Variants in SERGEF observed in about 807,000 individuals in gnomAD.
SERGEF encodes secretion-regulating guanine nucleotide exchange factor.
SERGEF carries 51 observed loss-of-function variants against 50.0 expected under a neutral mutation model. The ratio of observed to expected loss-of-function variants is 1.02; its 90% confidence interval spans 0.81 to 1.29. The LOEUF is 1.29. Ranked by LOEUF, SERGEF falls within the 50% of genes most tolerant of loss-of-function variation. The pLI, the probability that SERGEF is intolerant of heterozygous loss-of-function variation, is 0.00. For synonymous variants in SERGEF, 205 were observed against 212.4 expected, an observed-to-expected ratio of 0.97 and a Z score of 0.30; for missense variants, 521 against 557.0, an observed-to-expected ratio of 0.94 and a Z score of 0.65.
chr11:17,842,989 G>C (rs1850533469), intron 10 of SERGEF, among the ~76,000 whole-genome samples: 1 of 152,330 alleles, frequency 6.6e-6, no homozygotes, highest in Non-Finnish European at 1.5e-5. Flanking sequence ...GTTTCTCACA[G>C]CAAGCCCAGA....
chr11:17,794,776 T>C (rs572010316), intron 10 of SERGEF, among the ~76,000 whole-genome samples: 20 of 152,350 alleles, frequency 1.3e-4, no homozygotes, highest in Non-Finnish European at 2.4e-4. Context: ...GGCCCTCTTC[T>C]ATTTAATATT....
chr11:17,959,635 T>C lies in SERGEF; in HGVS notation c.846A>G (p.Glu282=), dbSNP rs1348939055. 1 of 1,609,270 alleles carries C rather than the reference T, an allele frequency of 6.2e-7. No individual in the cohort carries two copies. Among genetic ancestry groups the C allele is most frequent in the African/African-American group, 1.3e-5 (1 of 74,584 alleles). Residue 282 remains glutamate (E), a splice_region_variant and synonymous_variant, in exon 9 of 11, where the codon GAA becomes GAG. Transcript: ENST00000265965. Reference sequence around the variant, plus strand: ...GGCCCCAGGTAAACATCTTGCCAGTTTCTAAAAACAAATATTATTTGAATT... The same window carrying C: ...GGCCCCAGGTAAACATCTTGCCAGTCTCTAAAAACAAATATTATTTGAATT... ...SGWTHLVAQT[E]TGKMFTWGRA...
chr11:17,817,210 T>C (rs1432965623), intron 10 of SERGEF, among the ~76,000 whole-genome samples: 2 of 136,616 alleles, frequency 1.5e-5, no homozygotes, highest in East Asian at 5.4e-4. Context: ...GCACTTTCCA[T>C]GTATTTTTTT....
chr11:18,000,835 T>A, intron 4 of SERGEF: 2 of 592,892 alleles, frequency 3.4e-6, no homozygotes, highest in Non-Finnish European at 6.3e-6. Flanking sequence ...TAGTAAATGT[T>A]TTCTGTAAAG....
At chr11:17,846,822 G>C (rs942804245) in intron 10 of SERGEF, 6 of 452,802 alleles carry the variant, frequency 1.3e-5, no homozygotes, top group Middle Eastern at 6.5e-4. Context: ...CATGTAGCAG[G>C]TATATAATAG....
intron 9 of SERGEF, among the ~76,000 whole-genome samples, chr11:17,933,644 T>C (rs537209449): frequency 6.6e-6 from 1 of 152,236 alleles, no homozygotes; most frequent in East Asian, 1.9e-4. Flanking sequence ...AGTATCTATA[T>C]TCCCTTAAGT....
chr11:17,953,624 C>T (rs1358646774), intron 9 of SERGEF, among the ~76,000 whole-genome samples: 1 of 152,182 alleles, frequency 6.6e-6, no homozygotes, highest in Non-Finnish European at 1.5e-5. Flanking sequence ...CCTCCAAAAC[C>T]ATTACTTTCA....
rs775830910 is a variant in SERGEF, at chr11:18,004,445, A to G, written c.443T>C (p.Ile148Thr). ...GPRRCVVPQA[I>T]ELHKEKVVCI... ...CTAAATATTAACTGTCCTCACCTCAATGGCCTGGGGAACCACACATCTTCG... is the reference window on the plus strand; with the variant it reads ...CTAAATATTAACTGTCCTCACCTCAGTGGCCTGGGGAACCACACATCTTCG... The change falls in exon 4 of 11, where the codon ATT (isoleucine) becomes ACT (threonine). Residue 148 changes from isoleucine (I) to threonine (T), a missense_variant. Ile to Thr is a moderately conservative substitution (Grantham distance 89). Transcript: ENST00000265965. 2 of 1,612,522 alleles carry G rather than the reference A, an allele frequency of 1.2e-6. No individual in the cohort carries two copies. The highest frequency in any genetic ancestry group is 1.7e-6 in the Non-Finnish European group (2 of 1,178,730).
At chr11:17,854,570 T>C (rs566262435) in intron 10 of SERGEF, among the ~76,000 whole-genome samples, 1 of 152,302 alleles carries the variant, frequency 6.6e-6, no homozygotes, top group Admixed American at 6.5e-5. Flanking sequence ...TCTTCCGTAC[T>C]TCCTATTTCT....
At chr11:17,861,018 C>T (rs1850917528) in intron 10 of SERGEF, among the ~76,000 whole-genome samples, 1 of 152,140 alleles carries the variant, frequency 6.6e-6, no homozygotes, top group Admixed American at 6.5e-5. Context: ...AGGTAGCAAG[C>T]AGTGAGGGAA....
At chr11:17,935,629 C>A (rs181767155) in intron 9 of SERGEF, among the ~76,000 whole-genome samples, 6 of 152,026 alleles carry the variant, frequency 3.9e-5, no homozygotes, top group Non-Finnish European at 4.4e-5. Flanking sequence ...TAATTAGGAA[C>A]GAGAATTGGA....
At chr11:17,915,876 G>A (rs1289296354) in intron 9 of SERGEF, among the ~76,000 whole-genome samples, 2 of 152,214 alleles carry the variant, frequency 1.3e-5, no homozygotes, top group Non-Finnish European at 2.9e-5. Flanking sequence ...GGAAAGGCTA[G>A]GCAAAGAAGC....
chr11:17,998,432 CAT>C, intron 5 of SERGEF, among the ~76,000 whole-genome samples: 1 of 55,880 alleles, frequency 1.8e-5, no homozygotes. Context: ...TACATACATA[CAT>C]ACATACATAT....
intron 10 of SERGEF, among the ~76,000 whole-genome samples, chr11:17,821,034 A>C (rs1850071330): frequency 6.6e-6 from 1 of 152,212 alleles, no homozygotes; most frequent in Non-Finnish European, 1.5e-5. Context: ...AGAAAGAAGA[A>C]AAGATGCATC....
intron 10 of SERGEF, among the ~76,000 whole-genome samples, chr11:17,877,145 A>T (rs1394928211): frequency 6.6e-6 from 1 of 152,206 alleles, no homozygotes; most frequent in African/African-American, 2.4e-5. Context: ...ATCGGCAAGA[A>T]ATGAGGAAAA....
chr11:17,810,119 A>G (rs563673902), intron 10 of SERGEF, among the ~76,000 whole-genome samples: 1 of 152,166 alleles, frequency 6.6e-6, no homozygotes, highest in South Asian at 2.1e-4. Context: ...CCATTTAGGG[A>G]GAATGCCCTG....
At chr11:17,798,573 A>T (rs1473412355) in intron 10 of SERGEF, among the ~76,000 whole-genome samples, 1 of 152,212 alleles carries the variant, frequency 6.6e-6, no homozygotes, top group Non-Finnish European at 1.5e-5. Context: ...CCAGTGGGTG[A>T]CTATTCTTAG....
At chr11:17,832,734 G>T (rs541618104) in intron 10 of SERGEF, among the ~76,000 whole-genome samples, 101 of 152,298 alleles carry the variant, frequency 6.6e-4, no homozygotes, top group Non-Finnish European at 1.1e-3. Flanking sequence ...TGGAGATGAA[G>T]AATTTGTTGG....
chr11:17,947,404 C>T (rs1366744124), intron 9 of SERGEF, among the ~76,000 whole-genome samples: 1 of 152,196 alleles, frequency 6.6e-6, no homozygotes, highest in Non-Finnish European at 1.5e-5. Flanking sequence ...AACACAAACC[C>T]AAGAAAGAAT....
Sources: gnomAD v4.1 joint callset for allele counts (sites outside exome capture counted in the v4.1 genomes callset) on GRCh38, gnomAD v4.1.1 for gene constraint, MANE v1.5 for transcripts, NCBI Gene and HGNC (gene_info 2026-07-23, HGNC 2026-07-21) for gene names.